Variants in SLC24A5 observed in about 807,000 individuals in gnomAD.
SLC24A5 encodes the protein sodium/potassium/calcium exchanger 5.
SLC24A5 carries 46 observed loss-of-function variants against 51.6 expected under a neutral mutation model. The observed-to-expected ratio is 0.89, with a 90% CI of 0.70 to 1.14. SLC24A5 has a LOEUF of 1.14. Ranked by LOEUF, SLC24A5 falls within the 50% of genes most tolerant of loss-of-function variation. The pLI, the probability that SLC24A5 is intolerant of heterozygous loss-of-function variation, is 0.00. For synonymous variants in SLC24A5, 230 were observed against 214.9 expected, an observed-to-expected ratio of 1.07 and a Z score of -0.62; for missense variants, 581 against 604.1, an observed-to-expected ratio of 0.96 and a Z score of 0.40.
chr15:48,133,899 T>C (rs1331219400), intron 2 of SLC24A5, among the ~76,000 whole-genome samples: 1 of 152,156 alleles, frequency 6.6e-6, no homozygotes, highest in Non-Finnish European at 1.5e-5. Flanking sequence ...ACATCTTTTT[T>C]TTCTTCTTTG....
intron 6 of SLC24A5, 52 bp from the exon 7 acceptor site, chr15:48,138,917 A>C (rs2038970418): frequency 4.4e-6 from 6 of 1,353,870 alleles, no homozygotes; most frequent in African/African-American, 1.5e-5. Context: ...GGCATTTCTA[A>C]CTTAATTAGC....
rs2140716025 is a variant in SLC24A5 at position 48,129,122 on chromosome 15, A to G, written c.302-5136A>G. On this transcript the variant is annotated intron_variant, in intron 2 of 8. Coordinates refer to ENST00000341459, the MANE Select transcript of SLC24A5 (RefSeq NM_205850.3). ...CAGCTGTTAGATTGGGGATAGGGAG[A>G]GTCTTTTTCGGTGGAATCAGCCTTT... Among the ~76,000 whole-genome samples, 5 of 152,200 alleles carry G rather than the reference A, an allele frequency of 3.3e-5. No homozygotes were observed. In the South Asian group the frequency reaches 1.0e-3, roughly 32 times the overall value.
chr15:48,129,770 A>C (rs961959881), intron 2 of SLC24A5, among the ~76,000 whole-genome samples: 5 of 152,188 alleles, frequency 3.3e-5, no homozygotes, highest in Admixed American at 2.6e-4. Context: ...AGTGGTGTAG[A>C]GTCTTAAAGC....
chr15:48,141,066 T>A, intron 7 of SLC24A5, 47 bp from the exon 8 acceptor site: 2 of 1,435,832 alleles, frequency 1.4e-6, no homozygotes, highest in Non-Finnish European at 2.0e-6. Context: ...CAAAGGATGG[T>A]TAGTGAATCT....
At chr15:48,129,404 G>A (rs1418065376) in intron 2 of SLC24A5, among the ~76,000 whole-genome samples, 1 of 152,050 alleles carries the variant, frequency 6.6e-6, no homozygotes, top group East Asian at 1.9e-4. Flanking sequence ...GTTTGCTGTT[G>A]CACTTCATTT....
At chr15:48,126,775 G>A (rs1035512327) in intron 2 of SLC24A5, among the ~76,000 whole-genome samples, 10 of 152,174 alleles carry the variant, frequency 6.6e-5, no homozygotes, top group South Asian at 2.1e-4. Flanking sequence ...AGCCTTTGTC[G>A]TCTCTGATCA....
intron 2 of SLC24A5, among the ~76,000 whole-genome samples, chr15:48,128,471 A>G (rs145303905): frequency 9.2e-5 from 14 of 152,294 alleles, no homozygotes; most frequent in African/African-American, 3.4e-4. Flanking sequence ...GTTCTACTTT[A>G]CATTTCAGAC....
chr15:48,139,217 T>C, intron 7 of SLC24A5, 42 bp downstream of exon 7: 1 of 1,523,816 alleles, frequency 6.6e-7, no homozygotes, highest in Non-Finnish European at 9.0e-7. Flanking sequence ...AAAATATTCA[T>C]ATAAGAACAA....
chr15:48,134,599 C>A (rs977649561), intron 4 of SLC24A5, 61 bp downstream of exon 4: 2 of 1,359,674 alleles, frequency 1.5e-6, no homozygotes, highest in South Asian at 1.2e-5. Context: ...GATAACTGTT[C>A]GTCGTCTGGG....
intron 2 of SLC24A5, among the ~76,000 whole-genome samples, chr15:48,127,307 G>A (rs930920869): frequency 6.6e-6 from 1 of 152,150 alleles, no homozygotes; most frequent in Non-Finnish European, 1.5e-5. Flanking sequence ...CCTTTACTCA[G>A]GAAAGATGAA....
chr15:48,138,993 C>G lies in SLC24A5; in HGVS notation c.896C>G (p.Pro299Arg), dbSNP rs1364917670. ...GATCCACCAAGTGTTTTCAACATGC[C>G]TGAAGCAGACTTAAAAAGAATTTTT... ...SEDPPSVFNMPEADLKRIFWV... is the reference protein window; with the variant it reads ...SEDPPSVFNMREADLKRIFWV... The change falls in exon 7 of 9, where the codon CCT (proline) becomes CGT (arginine). Residue 299 changes from proline (P) to arginine (R), a missense_variant. Pro to Arg is a moderately radical substitution (Grantham distance 103). Coordinates refer to ENST00000341459, the MANE Select transcript of SLC24A5 (RefSeq NM_205850.3). 2 of 1,612,462 alleles carry G rather than the reference C, an allele frequency of 1.2e-6. No homozygotes were observed. Among genetic ancestry groups the G allele is most frequent in the African/African-American group, 2.7e-5 (2 of 74,866 alleles).
intron 2 of SLC24A5, among the ~76,000 whole-genome samples, chr15:48,128,601 A>G (rs529974646): frequency 2.0e-5 from 3 of 152,278 alleles, no homozygotes; most frequent in African/African-American, 7.2e-5. Flanking sequence ...GTTTCAGGGG[A>G]TTGTTTGATT....
At chr15:48,132,046 C>T (rs573616932) in intron 2 of SLC24A5, among the ~76,000 whole-genome samples, 1 of 152,078 alleles carries the variant, frequency 6.6e-6, no homozygotes, top group Admixed American at 6.6e-5. Flanking sequence ...AAGCCAAAGT[C>T]CTTATTAGGA....
chr15:48,136,821 A>T lies in SLC24A5; in HGVS notation c.729A>T (p.Glu243Asp). The T allele has an allele frequency of 6.2e-7, 1 of 1,613,816 alleles. No homozygotes were observed. Among genetic ancestry groups the T allele is most frequent in the South Asian group, 1.1e-5 (1 of 91,072 alleles). Residue 243 changes from glutamate (E) to aspartate (D), a missense_variant, in exon 6 of 9, where the codon GAA (glutamate) becomes GAT (aspartate). Physicochemically the swap from Glu to Asp is conservative, Grantham distance 45. Transcript: ENST00000341459. Reference protein sequence around the residue: ...ACLAKAMERSEQQPLMGWEDE... With the variant: ...ACLAKAMERSDQQPLMGWEDE... ...TTGCCAAAGCTATGGAGAGAAGTGA[A>T]CAACAGCCACTGATGGGCTGGGAAG... is the stretch of plus-strand genomic sequence containing the variant.
chr15:48,125,726 A>G (rs565622313), intron 2 of SLC24A5, among the ~76,000 whole-genome samples: 1 of 152,346 alleles, frequency 6.6e-6, no homozygotes, highest in Admixed American at 6.5e-5. Context: ...TCAATGCTAT[A>G]GACACTTATC....
intron 2 of SLC24A5, chr15:48,122,290 T>A: frequency 1.7e-6 from 1 of 591,064 alleles, no homozygotes; most frequent in South Asian, 2.2e-5. Context: ...ATCTCTAGTT[T>A]GTCTACTGCC....
intron 2 of SLC24A5, among the ~76,000 whole-genome samples, chr15:48,131,661 G>A (rs2038791547): frequency 6.6e-6 from 1 of 152,034 alleles, no homozygotes; most frequent in East Asian, 1.9e-4. Context: ...GGAATCATGA[G>A]CCAAATAAAC....
At chr15:48,137,391 T>C (rs2433357) in intron 6 of SLC24A5, 4,182 of 155,020 alleles carry the variant, frequency 0.027, 195 homozygotes, top group African/African-American at 0.093. Flanking sequence ...GAGCACAGTA[T>C]GTGCATAGGA....
intron 5 of SLC24A5, 76 bp downstream of exon 5, chr15:48,135,060 A>C: frequency 8.4e-7 from 1 of 1,187,320 alleles, no homozygotes; most frequent in South Asian, 1.3e-5. Context: ...TTTTTTTCAG[A>C]AATGTTATTT....
Sources: allele counts gnomAD v4.1 joint callset (sites outside exome capture counted in the v4.1 genomes callset), GRCh38; gene constraint gnomAD v4.1.1; transcripts MANE v1.5; gene names NCBI Gene and HGNC (gene_info 2026-07-23, HGNC 2026-07-21).